Variants in TPD52L1 observed in about 807,000 individuals in gnomAD.
The protein encoded by TPD52L1 is tumor protein D53.
A neutral mutation model predicts 28.7 loss-of-function variants in TPD52L1; 18 were observed. That is an observed-to-expected ratio of 0.63 (90% CI 0.43 to 0.93). The LOEUF (loss-of-function observed/expected upper bound fraction) is 0.93. Among genes scored for constraint, TPD52L1 ranks in the 40% least tolerant of loss-of-function variants. The pLI, the probability that TPD52L1 is intolerant of heterozygous loss-of-function variation, is 0.00. For synonymous variants in TPD52L1, 75 were observed against 88.8 expected, an observed-to-expected ratio of 0.84 and a Z score of 0.88; for missense variants, 203 against 254.8, an observed-to-expected ratio of 0.80 and a Z score of 1.39.
At chr6:125,213,645 TCTG>T (rs1794662835) in intron 1 of TPD52L1, among the ~76,000 whole-genome samples, 2 of 152,218 alleles carry the variant, frequency 1.3e-5, no homozygotes, top group African/African-American at 4.8e-5. Flanking sequence ...CATGAGAAGT[TCTG>T]AATCCTATCC....
At chr6:125,192,273 G>T (rs1793096922) in intron 1 of TPD52L1, among the ~76,000 whole-genome samples, 1 of 151,882 alleles carries the variant, frequency 6.6e-6, no homozygotes, top group Admixed American at 6.6e-5. Flanking sequence ...AAGTTCTTTG[G>T]GTTCAATCTG....
intron 1 of TPD52L1, among the ~76,000 whole-genome samples, chr6:125,207,206 A>G (rs1190475824): frequency 6.6e-6 from 1 of 152,160 alleles, no homozygotes; most frequent in Non-Finnish European, 1.5e-5. Context: ...GGCATTCAGT[A>G]AGCCCAGATG....
At chr6:125,158,138 A>ATC (rs1031822783) in intron 1 of TPD52L1, among the ~76,000 whole-genome samples, 11 of 151,966 alleles carry the variant, frequency 7.2e-5, no homozygotes, top group South Asian at 2.1e-4. Flanking sequence ...ATCCAGGATA[A>ATC]TCTCTCTCTC....
chr6:125,236,248 G>T (rs1028072005), intron 3 of TPD52L1, among the ~76,000 whole-genome samples: 1 of 152,116 alleles, frequency 6.6e-6, no homozygotes, highest in South Asian at 2.1e-4. Flanking sequence ...TAAACTACCT[G>T]TATAGCTGAA....
At chr6:125,171,684 C>T (rs1791308415) in intron 1 of TPD52L1, among the ~76,000 whole-genome samples, 3 of 152,120 alleles carry the variant, frequency 2.0e-5, no homozygotes, top group South Asian at 4.2e-4. Context: ...TCTGCATGAG[C>T]CTTGAAACAG....
intron 1 of TPD52L1, among the ~76,000 whole-genome samples, chr6:125,216,543 ATATATATATATATATAT>A (rs1242914305): frequency 2.1e-5 from 2 of 93,332 alleles, no homozygotes; most frequent in Non-Finnish European, 4.9e-5. Flanking sequence ...ATATATATAT[ATATATATATATATATAT>A]ATATATATAT....
chr6:125,175,318 G>A (rs1791754359), intron 1 of TPD52L1, among the ~76,000 whole-genome samples: 1 of 152,138 alleles, frequency 6.6e-6, no homozygotes, highest in Non-Finnish European at 1.5e-5. Flanking sequence ...GGTGGTAGCA[G>A]CATGGACGTT....
chr6:125,175,905 C>T (rs1279518814), intron 1 of TPD52L1, among the ~76,000 whole-genome samples: 1 of 152,130 alleles, frequency 6.6e-6, no homozygotes, highest in African/African-American at 2.4e-5. Context: ...GAAATTCTTA[C>T]AGACTATCAG....
At chr6:125,180,770 T>C (rs1792141778) in intron 1 of TPD52L1, among the ~76,000 whole-genome samples, 1 of 152,200 alleles carries the variant, frequency 6.6e-6, no homozygotes, top group Admixed American at 6.5e-5. Context: ...TGCATTCAGG[T>C]ATGAAAAATG....
intron 1 of TPD52L1, among the ~76,000 whole-genome samples, chr6:125,195,121 T>A (rs1000895688): frequency 6.6e-6 from 1 of 152,232 alleles, no homozygotes; most frequent in African/African-American, 2.4e-5. Context: ...ACATATAACA[T>A]TTGTTACAGA....
intron 1 of TPD52L1, among the ~76,000 whole-genome samples, chr6:125,210,217 G>A (rs77757281): frequency 0.034 from 5,140 of 152,248 alleles, 121 homozygotes; most frequent in East Asian, 0.079. Flanking sequence ...ATAAGTGTTC[G>A]TTAAAAGAAT....
intron 1 of TPD52L1, among the ~76,000 whole-genome samples, chr6:125,157,433 G>C (rs1249872718): frequency 6.6e-6 from 1 of 152,196 alleles, no homozygotes; most frequent in Non-Finnish European, 1.5e-5. Flanking sequence ...GAGGTGGTAG[G>C]ACACTAAACA....
intron 1 of TPD52L1, among the ~76,000 whole-genome samples, chr6:125,156,946 A>G (rs1043049129): frequency 1.3e-5 from 2 of 152,162 alleles, no homozygotes; most frequent in Non-Finnish European, 2.9e-5. Context: ...TCATTTTCAG[A>G]CTTTTTGTTA....
chr6:125,257,330 A>G (rs1169601739), intron 6 of TPD52L1, 172 bp downstream of exon 6: 3 of 561,558 alleles, frequency 5.3e-6, no homozygotes, highest in Non-Finnish European at 9.5e-6. Flanking sequence ...TAGTGTTACT[A>G]TATCCTTAGA....
At chr6:125,164,017 A>G (rs1194326923) in intron 1 of TPD52L1, among the ~76,000 whole-genome samples, 1 of 152,172 alleles carries the variant, frequency 6.6e-6, no homozygotes, top group Non-Finnish European at 1.5e-5. Flanking sequence ...ACTGAATGAC[A>G]GACTAGTTAC....
intron 3 of TPD52L1, among the ~76,000 whole-genome samples, chr6:125,244,359 TG>T (rs2115026583): frequency 6.6e-6 from 1 of 152,320 alleles, no homozygotes; most frequent in African/African-American, 2.4e-5. Flanking sequence ...AATGGTGGGC[TG>T]AGGTCCCAGC....
chr6:125,258,152 T>A (rs1797713417), intron 6 of TPD52L1, among the ~76,000 whole-genome samples: 1 of 152,062 alleles, frequency 6.6e-6, no homozygotes, highest in Non-Finnish European at 1.5e-5. Context: ...ACCTGGAGAG[T>A]CTTTTCTTAG....
At chr6:125,212,480 G>A (rs1209990160) in intron 1 of TPD52L1, among the ~76,000 whole-genome samples, 2 of 152,172 alleles carry the variant, frequency 1.3e-5, no homozygotes, top group African/African-American at 4.8e-5. Context: ...TGGCCATGAA[G>A]CCACCACCTA....
chr6:125,241,562 A>G (rs745532272), intron 3 of TPD52L1, among the ~76,000 whole-genome samples: 3 of 151,854 alleles, frequency 2.0e-5, no homozygotes, highest in Non-Finnish European at 4.4e-5. Flanking sequence ...TTGTATTGAT[A>G]TATTTCCAGG....
Sources: allele counts gnomAD v4.1 joint callset (sites outside exome capture counted in the v4.1 genomes callset), GRCh38; gene constraint gnomAD v4.1.1; transcripts MANE v1.5; gene names NCBI Gene and HGNC (gene_info 2026-07-23, HGNC 2026-07-21).